The following DCHS2 variants were observed in gnomAD, a reference collection of about 807,000 sequenced individuals.
DCHS2 encodes the protein dachsous cadherin-related 2.
In DCHS2, 142 loss-of-function variants were observed where a neutral mutation model predicts 182.4. That is an observed-to-expected ratio of 0.78 (90% CI 0.68 to 0.89). The LOEUF is 0.89. DCHS2 is among the 40% of genes least tolerant of loss of function. The pLI is 0.00. For missense variants in DCHS2, 4,319 were observed against 4,198.6 expected (o/e 1.03, Z -0.79); for synonymous variants, 1,740 against 1,663.3 (o/e 1.05, Z -1.12).
At chr4:154,308,428 A>C (rs1215244351) in intron 10 of DCHS2, among the ~76,000 whole-genome samples, 2 of 152,204 alleles carry the variant, frequency 1.3e-5, no homozygotes, top group East Asian at 1.9e-4. Context: ...CCATCACGCC[A>C]TTGTCATCTC....
intron 1 of DCHS2, among the ~76,000 whole-genome samples, chr4:154,394,396 G>T (rs549628920): frequency 6.6e-6 from 1 of 152,312 alleles, no homozygotes; most frequent in South Asian, 2.1e-4. Flanking sequence ...CCTCTTAGCA[G>T]CTATGTGACC....
chr4:154,324,981 A>T (rs1311808460), intron 7 of DCHS2, among the ~76,000 whole-genome samples: 1 of 152,216 alleles, frequency 6.6e-6, no homozygotes, highest in African/African-American at 2.4e-5. Flanking sequence ...GATGGGAATA[A>T]TGTAATATAT....
rs140608441 is a variant in DCHS2, at chr4:154,448,294, G to A, written c.2052+41010C>T. 5.1e-4 allele frequency among the ~76,000 whole-genome samples: 77 copies of A among 152,164 alleles called. No individual in the cohort carries two copies. In the East Asian group the frequency reaches 0.011, roughly 23 times the overall value. On this transcript the variant is annotated intron_variant, in intron 1 of 19. Coordinates refer to ENST00000357232, the MANE Select transcript of DCHS2 (RefSeq NM_001358235.2). Reference sequence around the variant, plus strand: ...TTTTATATCTATGAATGTATCTTTTGCTCACTATTTTATGTCTCAAGACCA... The same window carrying A: ...TTTTATATCTATGAATGTATCTTTTACTCACTATTTTATGTCTCAAGACCA...
chr4:154,241,273 G>A (rs534345358), intron 17 of DCHS2, among the ~76,000 whole-genome samples: 25 of 152,162 alleles, frequency 1.6e-4, no homozygotes, highest in Non-Finnish European at 2.5e-4. Flanking sequence ...ACTAATGTCC[G>A]AATTAGATAC....
At chr4:154,259,271 T>C (rs967771131) in intron 15 of DCHS2, among the ~76,000 whole-genome samples, 46 of 152,184 alleles carry the variant, frequency 3.0e-4, no homozygotes, top group African/African-American at 1.1e-3. Context: ...AATAAATGCA[T>C]ACTTCTAGTG....
intron 3 of DCHS2, among the ~76,000 whole-genome samples, chr4:154,363,829 T>TA (rs1329062135): frequency 1.8e-4 from 27 of 152,212 alleles, no homozygotes; most frequent in African/African-American, 6.5e-4. Flanking sequence ...ATACAATGTG[T>TA]TTTCAGTTGC....
intron 15 of DCHS2, among the ~76,000 whole-genome samples, chr4:154,256,276 A>G (rs527827129): frequency 6.6e-6 from 1 of 152,130 alleles, no homozygotes; most frequent in Non-Finnish European, 1.5e-5. Context: ...CCTCCCAAGT[A>G]GCATGCGCCA....
At chr4:154,451,672 A>G (rs1218168425) in intron 1 of DCHS2, among the ~76,000 whole-genome samples, 1 of 152,196 alleles carries the variant, frequency 6.6e-6, no homozygotes, top group African/African-American at 2.4e-5. Flanking sequence ...AGGAACACCT[A>G]TGAAGGACAG....
At chr4:154,339,995 TA>T (rs895068956) in intron 3 of DCHS2, among the ~76,000 whole-genome samples, 1 of 152,170 alleles carries the variant, frequency 6.6e-6, no homozygotes, top group African/African-American at 2.4e-5. Context: ...TCCTATAGTT[TA>T]AAAATTTTTT....
chr4:154,408,337 T>A (rs921683426), intron 1 of DCHS2, among the ~76,000 whole-genome samples: 1 of 152,188 alleles, frequency 6.6e-6, no homozygotes, highest in Non-Finnish European at 1.5e-5. Flanking sequence ...GCAAATTTAA[T>A]AAGAATAGCA....
At chr4:154,285,775 TAC>T (rs1431114922) in intron 13 of DCHS2, among the ~76,000 whole-genome samples, 3 of 152,088 alleles carry the variant, frequency 2.0e-5, no homozygotes, top group African/African-American at 7.2e-5. Flanking sequence ...GACATCTCTG[TAC>T]ACTCCTAGGC....
chr4:154,484,891 T>C (rs1728526427), intron 1 of DCHS2, among the ~76,000 whole-genome samples: 1 of 152,234 alleles, frequency 6.6e-6, no homozygotes, highest in Admixed American at 6.5e-5. Flanking sequence ...GAGATGATCA[T>C]ACCTAGAAAT....
In DCHS2 at chr4:154,333,172, T is replaced by A. The variant is rs1437149824; in HGVS notation, c.3036A>T (p.Gly1012=). The A allele has an allele frequency of 6.2e-7, 1 of 1,613,958 alleles. No homozygotes were observed. Among genetic ancestry groups the A allele is most frequent in the African/African-American group, 1.3e-5 (1 of 74,880 alleles). ...GGCTGGCGATGGAGTACCGGATGAGTCCGTTCCGCCCACTGTCTCTGTCTT... is the reference window on the plus strand; with the variant it reads ...GGCTGGCGATGGAGTACCGGATGAGACCGTTCCGCCCACTGTCTCTGTCTT... The part of the protein sequence containing the change: ...RAEDRDSGRN[G]LIRYSIASPQ... The change falls in exon 5 of 20, where the codon GGA becomes GGT. Residue 1012 remains glycine (G), a synonymous_variant. Transcript: ENST00000357232.
At chr4:154,417,034 C>T (rs537060384) in intron 1 of DCHS2, among the ~76,000 whole-genome samples, 1 of 152,156 alleles carries the variant, frequency 6.6e-6, no homozygotes, top group Non-Finnish European at 1.5e-5. Flanking sequence ...CACTATTTTA[C>T]TAGGAGCTGC....
intron 1 of DCHS2, among the ~76,000 whole-genome samples, chr4:154,400,814 GCT>G (rs1732141989): frequency 6.6e-6 from 1 of 152,026 alleles, no homozygotes; most frequent in African/African-American, 2.4e-5. Context: ...CCACCAGTTT[GCT>G]CTCTGTCCAC....
intron 3 of DCHS2, chr4:154,357,148 T>C: frequency 1.0e-6 from 1 of 976,458 alleles, no homozygotes; most frequent in Non-Finnish European, 1.6e-6. Flanking sequence ...CACTTTCTCA[T>C]ATAGGTGCTT....
intron 1 of DCHS2, among the ~76,000 whole-genome samples, chr4:154,467,200 T>G (rs1735275139): frequency 6.6e-6 from 1 of 152,134 alleles, no homozygotes; most frequent in Admixed American, 6.5e-5. Flanking sequence ...GTTTATGGAG[T>G]ATATTGGTAT....
intron 9 of DCHS2, among the ~76,000 whole-genome samples, chr4:154,318,218 G>GTATATATACGTTATATAAGTATATACA (rs1273929294): frequency 6.6e-6 from 1 of 150,622 alleles, no homozygotes; most frequent in Non-Finnish European, 1.5e-5. Context: ...ATATGCATAC[G>GTATATATACGTTATATAAGTATATACA]TATATATACG....
chr4:154,307,353 ATG>A (rs373453684), intron 10 of DCHS2, among the ~76,000 whole-genome samples: 23 of 151,944 alleles, frequency 1.5e-4, no homozygotes, highest in South Asian at 2.1e-4. Context: ...ACTAAAAGAT[ATG>A]TGTGTGTGTG....
Sources: allele counts gnomAD v4.1 joint callset (sites outside exome capture counted in the v4.1 genomes callset), GRCh38; gene constraint gnomAD v4.1.1; transcripts MANE v1.5; gene names NCBI Gene and HGNC (gene_info 2026-07-23, HGNC 2026-07-21).